The following FBXL7 variants were observed in gnomAD, a reference collection of about 807,000 sequenced individuals.
The protein encoded by FBXL7 is F-box and leucine rich repeat protein 7.
Under a neutral mutation model 38.3 loss-of-function variants are expected in FBXL7, and 12 were observed. That is an observed-to-expected ratio of 0.31 (90% CI 0.20 to 0.51). The LOEUF (loss-of-function observed/expected upper bound fraction) is 0.51, where lower values mean the gene tolerates loss of function less well. Among genes scored for constraint, FBXL7 ranks in the 20% least tolerant of loss-of-function variants. The pLI is 0.98. For synonymous variants in FBXL7, 297 were observed against 300.9 expected (o/e 0.99, Z 0.13); for missense variants, 567 against 676.4 (o/e 0.84, Z 1.79).
intron 2 of FBXL7, among the ~76,000 whole-genome samples, chr5:15,763,649 T>G (rs1464825751): frequency 6.6e-6 from 1 of 152,224 alleles, no homozygotes; most frequent in African/African-American, 2.4e-5. Context: ...ATTTTTTATC[T>G]TGGTTTTATA....
At chr5:15,789,765 AGC>A (rs1737226433) in intron 2 of FBXL7, among the ~76,000 whole-genome samples, 1 of 152,226 alleles carries the variant, frequency 6.6e-6, no homozygotes, top group African/African-American at 2.4e-5. Flanking sequence ...GGCTGTGGCC[AGC>A]TCTGGGGCAG....
At chr5:15,786,953 G>A (rs1180678064) in intron 2 of FBXL7, among the ~76,000 whole-genome samples, 1 of 152,162 alleles carries the variant, frequency 6.6e-6, no homozygotes, top group African/African-American at 2.4e-5. Flanking sequence ...CCAGTGATGT[G>A]TGTCCTTATG....
At chr5:15,793,034 C>T (rs1737317008) in intron 2 of FBXL7, among the ~76,000 whole-genome samples, 1 of 152,146 alleles carries the variant, frequency 6.6e-6, no homozygotes, top group Non-Finnish European at 1.5e-5. Flanking sequence ...AACCTTCCTG[C>T]GTGTGCAAGC....
chr5:15,642,009 A>C lies in FBXL7; in HGVS notation c.127+25937A>C, dbSNP rs529776729. On this transcript the variant is annotated intron_variant, in intron 2 of 3. Coordinates refer to ENST00000504595, the MANE Select transcript of FBXL7 (RefSeq NM_012304.5). ...TGTCCTATTGGTTCTATTTCTCTGCAAAACCCCAATACATTAGTAAATGTG... is the reference window on the plus strand; with the variant it reads ...TGTCCTATTGGTTCTATTTCTCTGCCAAACCCCAATACATTAGTAAATGTG... Among the ~76,000 whole-genome samples, 18 of 150,084 alleles carry C rather than the reference A, an allele frequency of 1.2e-4. 1 individual carries two copies. The South Asian group carries it at 3.8e-3, about 32-fold the overall frequency.
intron 1 of FBXL7, among the ~76,000 whole-genome samples, chr5:15,601,461 A>G (rs1016521487): frequency 6.6e-6 from 1 of 152,192 alleles, no homozygotes; most frequent in African/African-American, 2.4e-5. Context: ...CCGCAGCAGC[A>G]TCTGTCTCAG....
At chr5:15,519,070 G>A (rs529216898) in intron 1 of FBXL7, among the ~76,000 whole-genome samples, 78 of 152,214 alleles carry the variant, frequency 5.1e-4, no homozygotes, top group Admixed American at 1.2e-3. Flanking sequence ...GCAGCAGGGC[G>A]CGGTGGCTCA....
At chr5:15,820,857 C>T (rs1738150253) in intron 2 of FBXL7, among the ~76,000 whole-genome samples, 2 of 152,040 alleles carry the variant, frequency 1.3e-5, no homozygotes, top group African/African-American at 4.8e-5. Context: ...CTTGGCTACA[C>T]TCATCCCACA....
At chr5:15,739,874 T>C (rs909531886) in intron 2 of FBXL7, among the ~76,000 whole-genome samples, 4 of 152,212 alleles carry the variant, frequency 2.6e-5, no homozygotes, top group Non-Finnish European at 4.4e-5. Flanking sequence ...ATGTTTTCAT[T>C]TCTCTTAGGT....
intron 2 of FBXL7, among the ~76,000 whole-genome samples, chr5:15,889,790 TTC>T (rs528094744): frequency 1.1e-4 from 16 of 152,184 alleles, no homozygotes; most frequent in Non-Finnish European, 1.5e-4. Context: ...CATTGAACAT[TTC>T]TGTCTCCAGA....
chr5:15,505,582 G>C (rs1386474290), intron 1 of FBXL7, among the ~76,000 whole-genome samples: 2 of 152,274 alleles, frequency 1.3e-5, no homozygotes, highest in Admixed American at 6.5e-5. Flanking sequence ...CCCACACACA[G>C]TAATTCAGTA....
At chr5:15,767,274 T>C (rs1736617536) in intron 2 of FBXL7, among the ~76,000 whole-genome samples, 1 of 152,148 alleles carries the variant, frequency 6.6e-6, no homozygotes, top group African/African-American at 2.4e-5. Flanking sequence ...AAAAAAAGTC[T>C]ATAATTTTCA....
chr5:15,828,481 A>G (rs572725656), intron 2 of FBXL7, among the ~76,000 whole-genome samples: 5 of 152,284 alleles, frequency 3.3e-5, no homozygotes, highest in African/African-American at 1.2e-4. Flanking sequence ...CCCTAGTTGA[A>G]TTTTTCAAAT....
At chr5:15,753,406 A>G (rs557144150) in intron 2 of FBXL7, among the ~76,000 whole-genome samples, 3 of 152,228 alleles carry the variant, frequency 2.0e-5, no homozygotes, top group Non-Finnish European at 4.4e-5. Flanking sequence ...GCGGTTGATC[A>G]TAACTGGCCT....
At chr5:15,692,125 A>G (rs1743201689) in intron 2 of FBXL7, among the ~76,000 whole-genome samples, 1 of 152,138 alleles carries the variant, frequency 6.6e-6, no homozygotes, top group South Asian at 2.1e-4. Context: ...GGCTGCCTCG[A>G]TTGGAATCCG....
At chr5:15,757,403 C>G (rs935718803) in intron 2 of FBXL7, among the ~76,000 whole-genome samples, 1 of 152,082 alleles carries the variant, frequency 6.6e-6, no homozygotes, top group Non-Finnish European at 1.5e-5. Context: ...AATTCTTGTT[C>G]TACTCCTAGG....
At chr5:15,573,316 C>T (rs1738846974) in intron 1 of FBXL7, among the ~76,000 whole-genome samples, 1 of 152,098 alleles carries the variant, frequency 6.6e-6, no homozygotes, top group African/African-American at 2.4e-5. Context: ...CATGTGCATT[C>T]CTGTTTAGAG....
chr5:15,760,925 TAAAG>T (rs1435208579), intron 2 of FBXL7, among the ~76,000 whole-genome samples: 1 of 150,406 alleles, frequency 6.6e-6, no homozygotes, highest in African/African-American at 2.5e-5. Flanking sequence ...TAACAACAAT[TAAAG>T]AATGAGACAG....
chr5:15,805,107 A>G (rs1173466351), intron 2 of FBXL7, among the ~76,000 whole-genome samples: 1 of 152,190 alleles, frequency 6.6e-6, no homozygotes, highest in Non-Finnish European at 1.5e-5. Flanking sequence ...TAAGGACACC[A>G]GTCACATTAG....
chr5:15,892,516 G>A (rs539242777), intron 2 of FBXL7, among the ~76,000 whole-genome samples: 1 of 152,284 alleles, frequency 6.6e-6, no homozygotes, highest in Admixed American at 6.5e-5. Context: ...TTTGAAATAA[G>A]GTGGTAGCAG....
Sources: gnomAD v4.1 joint callset for allele counts (sites outside exome capture counted in the v4.1 genomes callset) on GRCh38, gnomAD v4.1.1 for gene constraint, MANE v1.5 for transcripts, NCBI Gene and HGNC (gene_info 2026-07-23, HGNC 2026-07-21) for gene names.